The following SLC2A9 variants were observed in gnomAD, a reference collection of about 807,000 sequenced individuals.
The protein encoded by SLC2A9 is solute carrier family 2, facilitated glucose transporter member 9.
In SLC2A9, 39 loss-of-function variants were observed where a neutral mutation model predicts 50.6. The observed-to-expected ratio is 0.77, with a 90% CI of 0.60 to 1.01. SLC2A9 has a LOEUF of 1.01. Among genes scored for constraint, SLC2A9 ranks in the 50% least tolerant of loss-of-function variants. SLC2A9 has a pLI of 0.00. For synonymous variants in SLC2A9, 324 were observed against 276.9 expected (o/e 1.17, Z -1.69); for missense variants, 686 against 677.6 (o/e 1.01, Z -0.14).
At chr4:9,811,518 G>C (rs1722890862) in intron 3 of SLC2A9, among the ~76,000 whole-genome samples, 1 of 152,136 alleles carries the variant, frequency 6.6e-6, no homozygotes. Flanking sequence ...GAGAAAGAGG[G>C]AGAGACATCC....
At chr4:9,840,049 T>G (rs1727797270) in intron 10 of SLC2A9, among the ~76,000 whole-genome samples, 1 of 152,200 alleles carries the variant, frequency 6.6e-6, no homozygotes, top group African/African-American at 2.4e-5. Flanking sequence ...GTTACTGCTA[T>G]TATTTTTCCA....
intron 10 of SLC2A9, among the ~76,000 whole-genome samples, chr4:9,882,683 TG>T (rs1326209679): frequency 3.6e-5 from 5 of 137,102 alleles, no homozygotes; most frequent in Non-Finnish European, 1.5e-5. Context: ...CACTCCAGCC[TG>T]GGCAACAGAG....
At chr4:9,963,793 T>C (rs966074577) in intron 5 of SLC2A9, among the ~76,000 whole-genome samples, 11 of 152,224 alleles carry the variant, frequency 7.2e-5, no homozygotes, top group African/African-American at 9.6e-5. Context: ...TGGGATCCTC[T>C]ACCTTTTGTG....
At chr4:9,870,404 G>A (rs116244557) in intron 10 of SLC2A9, among the ~76,000 whole-genome samples, 54 of 152,324 alleles carry the variant, frequency 3.5e-4, no homozygotes, top group African/African-American at 1.3e-3. Context: ...AGACCTATGA[G>A]CCTGACAGGT....
chr4:9,866,133 T>C (rs1456092390), intron 10 of SLC2A9, among the ~76,000 whole-genome samples: 2 of 152,120 alleles, frequency 1.3e-5, no homozygotes, highest in African/African-American at 4.8e-5. Context: ...CGTTACTTAT[T>C]CCCCAGCTTT....
chr4:9,872,912 C>G (rs1420419883), intron 10 of SLC2A9, among the ~76,000 whole-genome samples: 2 of 152,226 alleles, frequency 1.3e-5, no homozygotes, highest in African/African-American at 2.4e-5. Flanking sequence ...AATGTGACCT[C>G]TCAGTGCATT....
chr4:9,998,665 T>G (rs1402217248), intron 2 of SLC2A9, among the ~76,000 whole-genome samples: 1 of 152,158 alleles, frequency 6.6e-6, no homozygotes, highest in Non-Finnish European at 1.5e-5. Context: ...CCTGAAAAAC[T>G]GTTTCTGGGG....
chr4:9,847,419 A>C (rs763526635), intron 10 of SLC2A9, among the ~76,000 whole-genome samples: 2 of 152,192 alleles, frequency 1.3e-5, no homozygotes, highest in Non-Finnish European at 2.9e-5. Flanking sequence ...AATCACCTCC[A>C]ACCAGGTCCC....
Position 9,908,297 on chromosome 4 carries a change from C to G in SLC2A9, c.1051G>C (p.Ala351Pro), listed in dbSNP as rs1347091153. 1 of 1,613,944 alleles carries G rather than the reference C, an allele frequency of 6.2e-7. No individual in the cohort carries two copies. Among genetic ancestry groups the G allele is most frequent in the Admixed American group, 1.7e-5 (1 of 60,002 alleles). The change falls in exon 8 of 12, where the codon GCA (alanine) becomes CCA (proline). Residue 351 changes from alanine (A) to proline (P), a missense_variant. Transcript: ENST00000264784. ...CTCAAGGTGACGTATGGGATCTTTG[C>G]CGGAGGGATCCCAGCTTTTCCAAAG... ...SIFGKAGIPP[A>P]KIPYVTLSTG...
chr4:9,985,648 C>T (rs1756577617), intron 4 of SLC2A9, 21 bp downstream of exon 4: 1 of 1,613,802 alleles, frequency 6.2e-7, no homozygotes, highest in African/African-American at 1.3e-5. Context: ...CTGTTCCCTC[C>T]CCGTCATGGT....
chr4:9,978,626 T>C (rs1010604150), intron 5 of SLC2A9, among the ~76,000 whole-genome samples: 3 of 152,216 alleles, frequency 2.0e-5, no homozygotes, highest in African/African-American at 7.2e-5. Context: ...GAACCTCACT[T>C]AGGTTGAGAG....
chr4:9,837,705 A>C (rs1727321572), intron 10 of SLC2A9, among the ~76,000 whole-genome samples: 1 of 152,226 alleles, frequency 6.6e-6, no homozygotes, highest in South Asian at 2.1e-4. Flanking sequence ...TGCAGGATTG[A>C]TGAAAGAACA....
At chr4:9,959,630 T>A (rs1328283375) in intron 5 of SLC2A9, among the ~76,000 whole-genome samples, 3 of 152,198 alleles carry the variant, frequency 2.0e-5, no homozygotes, top group African/African-American at 7.2e-5. Context: ...TATAAGCCTT[T>A]TAGCAGTATT....
rs753136929 is a variant in SLC2A9 at position 9,980,736 on chromosome 4, G to A, written c.537C>T (p.Gly179=). Reference sequence around the variant, plus strand: ...ACATGGGGAGCACACTGAGGGCGACGCCTGTAGAGAGAAAGCATAGCAGCA... The same window carrying A: ...ACATGGGGAGCACACTGAGGGCGACACCTGTAGAGAGAAAGCATAGCAGCA... ...VGRFIMGIDG[G]VALSVLPMYL... Residue 179 remains glycine (G), a splice_region_variant and synonymous_variant, in exon 5 of 12, where the codon GGC becomes GGT. Coordinates refer to ENST00000264784, the MANE Select transcript of SLC2A9 (RefSeq NM_020041.3). 4.2e-5 allele frequency: 68 copies of A among 1,614,036 alleles called. 1 individual carries two copies. The South Asian group carries it at 4.8e-4, about 11-fold the overall frequency.
At chr4:9,926,136 C>A (rs920266109) in intron 6 of SLC2A9, among the ~76,000 whole-genome samples, 5 of 152,058 alleles carry the variant, frequency 3.3e-5, no homozygotes. Flanking sequence ...CTGGGAGTGC[C>A]CCCTGAGCAA....
At chr4:9,807,205 G>T (rs1722241619) in intron 3 of SLC2A9, among the ~76,000 whole-genome samples, 1 of 152,164 alleles carries the variant, frequency 6.6e-6, no homozygotes, top group African/African-American at 2.4e-5. Context: ...TTTGTCACTT[G>T]CTATGGTCCT....
chr4:9,886,939 G>C (rs1030424087), intron 10 of SLC2A9, among the ~76,000 whole-genome samples: 7 of 152,176 alleles, frequency 4.6e-5, no homozygotes, highest in African/African-American at 1.7e-4. Flanking sequence ...CTGACCCATG[G>C]CTAGGAAACA....
intron 10 of SLC2A9, among the ~76,000 whole-genome samples, chr4:9,866,047 A>T (rs1241251946): frequency 6.6e-6 from 1 of 152,106 alleles, no homozygotes; most frequent in Non-Finnish European, 1.5e-5. Flanking sequence ...GCCATTCAGG[A>T]GGGCAAGGAG....
chr4:9,938,740 T>C (rs1455696682), intron 6 of SLC2A9, among the ~76,000 whole-genome samples: 1 of 152,360 alleles, frequency 6.6e-6, no homozygotes, highest in Admixed American at 6.5e-5. Context: ...TTAGGCAAGC[T>C]ACTCAGCCTC....
Sources: gnomAD v4.1 joint callset for allele counts (sites outside exome capture counted in the v4.1 genomes callset) on GRCh38, gnomAD v4.1.1 for gene constraint, MANE v1.5 for transcripts, NCBI Gene and HGNC (gene_info 2026-07-23, HGNC 2026-07-21) for gene names.